ZNF532: variants seen among roughly 807,000 people sequenced by gnomAD.
The protein encoded by ZNF532 is zinc finger protein 532.
Under a neutral mutation model 89.3 loss-of-function variants are expected in ZNF532, and 22 were observed. The observed-to-expected ratio is 0.25, with a 90% confidence interval of 0.18 to 0.35. The LOEUF (loss-of-function observed/expected upper bound fraction) is 0.35, where lower values mean the gene tolerates loss of function less well. ZNF532 is among the 10% of genes least tolerant of loss of function. The probability of loss-of-function intolerance (pLI) is 1.00; values close to 1 mark genes in which losing one functional copy is unlikely to be tolerated. For missense variants in ZNF532, 1,132 were observed against 1,643.4 expected, an observed-to-expected ratio of 0.69 and a Z score of 5.38; for synonymous variants, 606 against 649.6, an observed-to-expected ratio of 0.93 and a Z score of 1.02.
At chr18:58,891,263 C>G (rs983693505) in intron 2 of ZNF532, among the ~76,000 whole-genome samples, 1 of 151,984 alleles carries the variant, frequency 6.6e-6, no homozygotes, top group Non-Finnish European at 1.5e-5. Flanking sequence ...GGCCTGGTGG[C>G]TCACGCCTGT....
intron 7 of ZNF532, among the ~76,000 whole-genome samples, chr18:58,967,585 C>CT (rs1299508353): frequency 5.9e-5 from 9 of 151,904 alleles, no homozygotes; most frequent in East Asian, 1.9e-4. Flanking sequence ...CTCCACCATA[C>CT]TTTTTTTTTC....
In ZNF532 at chr18:58,878,917, C is replaced by T. The variant is rs377757579; in HGVS notation, c.-18+13338C>T. On this transcript the variant is annotated intron_variant, in intron 2 of 9. Coordinates refer to ENST00000591808, the MANE Select transcript of ZNF532 (RefSeq NM_001375912.1). ...GCTTCCCCCTTAGTAGAACTTCTTT[C>T]CTATACACATGGGCAAACAATGCTG... 1.6e-4 allele frequency among the ~76,000 whole-genome samples: 24 copies of T among 152,352 alleles called. No individual in the cohort carries two copies. The East Asian group carries it at 1.7e-3, about 11-fold the overall frequency.
In ZNF532 at chr18:58,957,229, G is replaced by A. The variant is rs533374517; in HGVS notation, c.3150+3430G>A. ...ATATAAGGGTTCAAAAATTGTATTTGGCTAAAGGTCTCAGGAGAGAATACA... is the reference window on the plus strand; with the variant it reads ...ATATAAGGGTTCAAAAATTGTATTTAGCTAAAGGTCTCAGGAGAGAATACA... On this transcript the variant is annotated intron_variant, in intron 7 of 9. Coordinates refer to ENST00000591808, the MANE Select transcript of ZNF532 (RefSeq NM_001375912.1). Among the ~76,000 whole-genome samples the A allele has an allele frequency of 2.0e-5, 3 of 152,108 alleles. No individual in the cohort carries two copies. The South Asian group carries it at 6.2e-4, about 32-fold the overall frequency.
chr18:58,936,482 CT>C (rs1472765544), intron 4 of ZNF532, among the ~76,000 whole-genome samples: 2 of 152,196 alleles, frequency 1.3e-5, no homozygotes, highest in African/African-American at 4.8e-5. Context: ...TTGCTGATAT[CT>C]TTCCTAAATT....
At chr18:58,981,440 T>G in intron 8 of ZNF532, 30 bp from the exon 9 acceptor site, 1 of 1,601,236 alleles carries the variant, frequency 6.2e-7, no homozygotes, top group Non-Finnish European at 8.5e-7. Flanking sequence ...TGTCAGCAAG[T>G]GCGTTATCTC....
At chr18:58,899,404 T>G (rs958733844) in intron 2 of ZNF532, among the ~76,000 whole-genome samples, 1 of 152,194 alleles carries the variant, frequency 6.6e-6, no homozygotes, top group Non-Finnish European at 1.5e-5. Context: ...TGGGAGATGT[T>G]CCTGTATTAT....
At chr18:58,890,987 C>T (rs1009242736) in intron 2 of ZNF532, among the ~76,000 whole-genome samples, 11 of 152,036 alleles carry the variant, frequency 7.2e-5, no homozygotes, top group African/African-American at 1.7e-4. Flanking sequence ...AGGAACTACA[C>T]GCATGCCACC....
intron 6 of ZNF532, among the ~76,000 whole-genome samples, chr18:58,952,034 C>T (rs2064258382): frequency 6.6e-6 from 1 of 152,136 alleles, no homozygotes; most frequent in African/African-American, 2.4e-5. Context: ...AATGATAGAA[C>T]CCCTGTTTCC....
At chr18:58,939,708 T>C in intron 5 of ZNF532, 87 bp downstream of exon 5, 1 of 1,312,914 alleles carries the variant, frequency 7.6e-7, no homozygotes, top group South Asian at 1.5e-5. Flanking sequence ...GAATAACATT[T>C]ACCAAGATCT....
intron 2 of ZNF532, among the ~76,000 whole-genome samples, chr18:58,871,600 T>C (rs909718068): frequency 6.6e-6 from 1 of 152,072 alleles, no homozygotes; most frequent in Admixed American, 6.6e-5. Context: ...TGTTTCAGGG[T>C]GTGGAGGTGC....
intron 2 of ZNF532, among the ~76,000 whole-genome samples, chr18:58,889,763 A>G (rs1351700314): frequency 7.1e-6 from 1 of 140,402 alleles, no homozygotes; most frequent in African/African-American, 2.7e-5. Context: ...ACAGACTGTG[A>G]TTCCATCTCA....
chr18:58,964,961 T>G (rs2065776733), intron 7 of ZNF532, among the ~76,000 whole-genome samples: 1 of 149,030 alleles, frequency 6.7e-6, no homozygotes, highest in Non-Finnish European at 1.5e-5. Flanking sequence ...TATATATTTA[T>G]ATACTATAGA....
chr18:58,883,512 C>T (rs1651457085), intron 2 of ZNF532, among the ~76,000 whole-genome samples: 1 of 152,146 alleles, frequency 6.6e-6, no homozygotes, highest in African/African-American at 2.4e-5. Flanking sequence ...AGAATTGCTA[C>T]TGTCTGTATA....
chr18:58,870,388 A>T (rs1215384458), intron 2 of ZNF532, among the ~76,000 whole-genome samples: 2 of 152,144 alleles, frequency 1.3e-5, no homozygotes, highest in Non-Finnish European at 2.9e-5. Context: ...TGGTAAGAAT[A>T]TGTGAGGCAG....
At chr18:58,970,510 A>AT (rs1199652958) in intron 7 of ZNF532, among the ~76,000 whole-genome samples, 1 of 152,164 alleles carries the variant, frequency 6.6e-6, no homozygotes, top group African/African-American at 2.4e-5. Flanking sequence ...GGCAGCAAAG[A>AT]TTTTTTTCAT....
At position 58,918,760 on chromosome 18, in the gene ZNF532, G is replaced by T. The variant is rs1029728894; in HGVS notation, c.473G>T (p.Ser158Ile). The T allele has an allele frequency of 3.7e-6, 6 of 1,614,182 alleles. No homozygotes were observed. Among genetic ancestry groups the T allele is most frequent in the Non-Finnish European group, 5.1e-6 (6 of 1,180,026 alleles). The change falls in exon 3 of 10, where the codon AGC becomes ATC. Residue 158 changes from serine (S) to isoleucine (I), a missense_variant. Transcript: ENST00000591808. ...DPPDKEDMRSSFRSNVLTGSA... is the reference protein window; with the variant it reads ...DPPDKEDMRSIFRSNVLTGSA... ...CCTGACAAGGAGGACATGCGATCAA[G>T]CTTCAGGTCGAATGTGTTGACGGGG...
intron 2 of ZNF532, among the ~76,000 whole-genome samples, chr18:58,876,937 G>A (rs1321469643): frequency 1.3e-5 from 2 of 152,136 alleles, no homozygotes; most frequent in Non-Finnish European, 2.9e-5. Context: ...GTGTGCACCC[G>A]TAGTCCTAGC....
intron 2 of ZNF532, among the ~76,000 whole-genome samples, chr18:58,910,750 C>G (rs895715261): frequency 1.3e-5 from 2 of 152,122 alleles, no homozygotes; most frequent in Admixed American, 1.3e-4. Context: ...GCTGGGATTA[C>G]GAGCATGAGC....
rs550111878 is a variant in ZNF532 at position 58,968,642 on chromosome 18, A to T, written c.3151-10413A>T. Reference sequence around the variant, plus strand: ...CATGGCAGGTAGAGCGTAGACATAGATCCCTTGGGGTGGTGGGAGTGGGAG... The same window carrying T: ...CATGGCAGGTAGAGCGTAGACATAGTTCCCTTGGGGTGGTGGGAGTGGGAG... On this transcript the variant is annotated intron_variant, in intron 7 of 9. Transcript: ENST00000591808. Among the ~76,000 whole-genome samples, 6 of 152,256 alleles carry T rather than the reference A, an allele frequency of 3.9e-5. No individual in the cohort carries two copies. The South Asian group carries it at 1.2e-3, about 32-fold the overall frequency.
Sources: allele counts gnomAD v4.1 joint callset (sites outside exome capture counted in the v4.1 genomes callset), GRCh38; gene constraint gnomAD v4.1.1; transcripts MANE v1.5; gene names NCBI Gene and HGNC (gene_info 2026-07-23, HGNC 2026-07-21).